ANKFY1: variants seen among roughly 807,000 people sequenced by gnomAD.
ANKFY1 encodes ankyrin repeat and FYVE domain-containing protein 1.
ANKFY1 carries 47 observed loss-of-function variants against 128.3 expected under a neutral mutation model. The ratio of observed to expected loss-of-function variants is 0.37; its 90% CI spans 0.29 to 0.47. The LOEUF (loss-of-function observed/expected upper bound fraction) is 0.47, where lower values mean the gene tolerates loss of function less well. ANKFY1 is among the 20% of genes least tolerant of loss of function. The pLI is 1.00. For synonymous variants in ANKFY1, 553 were observed against 601.6 expected, an observed-to-expected ratio of 0.92 and a Z score of 1.18; for missense variants, 1,222 against 1,510.6, an observed-to-expected ratio of 0.81 and a Z score of 3.17.
chr17:4,207,947 C>T lies in ANKFY1; in HGVS notation c.718G>A (p.Glu240Lys). Reference sequence around the variant, plus strand: ...AGCTACAGTACCTGGGAATCCATTTCAATCAGATACAGGAAGACCACGTCT... The same window carrying T: ...AGCTACAGTACCTGGGAATCCATTTTAATCAGATACAGGAAGACCACGTCT... ...REDVVFLYLI[E>K]MDSQLPGKLN... is the part of the protein sequence containing the mutation. The change falls in exon 6 of 25, where the codon GAA (glutamate) becomes AAA (lysine). Residue 240 changes from glutamate to lysine, a missense_variant. By Grantham distance (56) the Glu-to-Lys change is moderately conservative. Coordinates refer to ENST00000341657, the MANE Select transcript of ANKFY1 (RefSeq NM_001330063.2). The T allele has an allele frequency of 6.3e-7, 1 of 1,593,932 alleles. No individual in the cohort carries two copies. The highest frequency in any genetic ancestry group is 2.3e-5 in the East Asian group (1 of 43,596).
intron 4 of ANKFY1, among the ~76,000 whole-genome samples, chr17:4,210,197 T>C (rs2060099922): frequency 6.6e-6 from 1 of 152,184 alleles, no homozygotes; most frequent in African/African-American, 2.4e-5. Flanking sequence ...TGATTAAGCA[T>C]AATACCCCAA....
In ANKFY1 at chr17:4,167,869, C is replaced by A; in HGVS notation, c.3420G>T (p.Lys1140Asn). ...GRLLCHKCST[K>N]EIPIIKFDLN... Reference sequence around the variant, plus strand: ...GATCAAACTTTATAATAGGAATCTCCTTGGTCGAGCATTTATGGCAAAGAA... The same window carrying A: ...GATCAAACTTTATAATAGGAATCTCATTGGTCGAGCATTTATGGCAAAGAA... The change falls in exon 25 of 25, where the codon AAG (lysine) becomes AAT (asparagine). Residue 1140 changes from lysine (K) to asparagine (N), a missense_variant. Coordinates refer to ENST00000341657, the MANE Select transcript of ANKFY1 (RefSeq NM_001330063.2). The surrounding 1 kb of genome is among the most constrained non-coding windows in gnomAD (Gnocchi z 4.1). 6.2e-7 allele frequency: 1 copy of A among 1,614,066 alleles called. No individual in the cohort carries two copies. The highest frequency in any genetic ancestry group is 1.1e-5 in the South Asian group (1 of 91,066).
intron 1 of ANKFY1, among the ~76,000 whole-genome samples, chr17:4,263,195 G>A (rs1044167791): frequency 9.2e-5 from 14 of 152,316 alleles, no homozygotes; most frequent in African/African-American, 2.6e-4. Context: ...CATTAAGACA[G>A]GCAGACTCTG....
chr17:4,255,899 C>T (rs1359216410), intron 1 of ANKFY1, among the ~76,000 whole-genome samples: 1 of 151,882 alleles, frequency 6.6e-6, no homozygotes, highest in Non-Finnish European at 1.5e-5. Context: ...CTCACTGCAA[C>T]CTCCGCTTCC....
Position 4,178,865 on chromosome 17 carries a change from C to T in ANKFY1, c.2590G>A (p.Ala864Thr). ...AGGTGTTATTCACTCACCTGCTCAG[C>T]AGCCCCGGACTCTCGTTTGAGAATG... ...EAILKRESGA[A>T]EQVDNKGRNF... Residue 864 changes from alanine to threonine, a missense_variant, in exon 18 of 25, where the codon GCT becomes ACT. Transcript: ENST00000341657. The surrounding 1 kb of genome is among the most constrained non-coding windows in gnomAD (Gnocchi z 4.1). 6.2e-7 allele frequency: 1 copy of T among 1,614,226 alleles called. No homozygotes were observed. The highest frequency in any genetic ancestry group is 8.5e-7 in the Non-Finnish European group (1 of 1,180,042).
At chr17:4,225,218 G>C (rs1443388402) in intron 3 of ANKFY1, among the ~76,000 whole-genome samples, 1 of 152,044 alleles carries the variant, frequency 6.6e-6, no homozygotes, top group Non-Finnish European at 1.5e-5. Flanking sequence ...GTAGCCGAGC[G>C]TAGTGGTGCA....
chr17:4,250,062 C>CT (rs1967748592), intron 1 of ANKFY1, among the ~76,000 whole-genome samples: 1 of 152,220 alleles, frequency 6.6e-6, no homozygotes, highest in Non-Finnish European at 1.5e-5. Flanking sequence ...CTCTAGCTTT[C>CT]TTCCTAACCT....
At chr17:4,188,214 G>A (rs1016772428) in intron 11 of ANKFY1, 5 of 152,290 alleles carry the variant, frequency 3.3e-5, no homozygotes, top group African/African-American at 1.2e-4. Flanking sequence ...CGTCACTCTG[G>A]CCGGTGCGCA....
intron 1 of ANKFY1, among the ~76,000 whole-genome samples, chr17:4,245,954 G>GAATC (rs1555639065): frequency 1.3e-5 from 2 of 152,122 alleles, no homozygotes; most frequent in Admixed American, 6.6e-5. Flanking sequence ...TGAGGCAGAA[G>GAATC]AATCGCTGGA....
Position 4,208,052 on chromosome 17 carries a change from T to A in ANKFY1, c.613A>T (p.Met205Leu). 6.2e-7 allele frequency: 1 copy of A among 1,610,158 alleles called. No homozygotes were observed. The highest frequency in any genetic ancestry group is 8.5e-7 in the Non-Finnish European group (1 of 1,178,458). ...DDLRKEDFSS[M>L]SAQLLYKMIK... ...ATTTTGTATAACAACTGAGCGCTCA[T>A]GCTGCTGAAATCCTCCTTCCTCAGG... The change falls in exon 6 of 25, where the codon ATG (methionine) becomes TTG (leucine). Residue 205 changes from methionine to leucine, a missense_variant. Physicochemically the swap from Met to Leu is conservative, Grantham distance 15 (BLOSUM62 2). Transcript: ENST00000341657.
intron 1 of ANKFY1, among the ~76,000 whole-genome samples, chr17:4,252,181 C>T (rs796562325): frequency 6.6e-6 from 1 of 152,072 alleles, no homozygotes; most frequent in South Asian, 2.1e-4. Flanking sequence ...AAAAGATGTG[C>T]ATCATTAGTA....
Position 4,167,774 on chromosome 17 carries a change from GCTCA to G in ANKFY1, c.*1_*4del, listed in dbSNP as rs754412631. 82 of 1,612,086 alleles carry G rather than the reference GCTCA, an allele frequency of 5.1e-5. No individual in the cohort carries two copies. In the Admixed American group the frequency reaches 5.2e-4, roughly 10 times the overall value. ...GGACGTGGCCTGGACCCTCCGGGGG[GCTCA>G]CTAAGAAACCCCACCCAGAGTCAGT... is the stretch of plus-strand genomic sequence containing the variant. On this transcript the variant is annotated 3_prime_UTR_variant, in exon 25 of 25. Transcript: ENST00000341657. The surrounding 1 kb of genome is among the most constrained non-coding windows in gnomAD (Gnocchi z 4.1).
At chr17:4,202,423 G>T (rs1031413816) in intron 7 of ANKFY1, among the ~76,000 whole-genome samples, 7 of 149,710 alleles carry the variant, frequency 4.7e-5, no homozygotes, top group African/African-American at 1.7e-4. Context: ...AAGAGGCCGG[G>T]CGCAGTGGCT....
intron 2 of ANKFY1, among the ~76,000 whole-genome samples, chr17:4,236,432 A>G (rs1966908554): frequency 6.6e-6 from 1 of 152,254 alleles, no homozygotes. Context: ...CAGTCCTAAT[A>G]TTGACCATTT....
At chr17:4,224,214 G>GTTTT (rs33995900) in intron 3 of ANKFY1, among the ~76,000 whole-genome samples, 6 of 66,720 alleles carry the variant, frequency 9.0e-5, no homozygotes, top group African/African-American at 2.4e-4. Flanking sequence ...CACCTTTGAA[G>GTTTT]TTTTTTTTTT....
chr17:4,262,113 C>A (rs947426853), intron 1 of ANKFY1, among the ~76,000 whole-genome samples: 1 of 152,190 alleles, frequency 6.6e-6, no homozygotes, highest in African/African-American at 2.4e-5. Context: ...ATTGCTTGAG[C>A]CCAAGAGTTG....
At chr17:4,194,853 A>T in intron 10 of ANKFY1, 125 bp downstream of exon 10, 1 of 884,884 alleles carries the variant, frequency 1.1e-6, no homozygotes, top group Non-Finnish European at 1.7e-6. Context: ...ATATAAAATT[A>T]AGTACAAAAT....
Position 4,208,035 on chromosome 17 carries a change from TAAC to T in ANKFY1, c.627_629del (p.Leu210del). On this transcript the variant is annotated inframe_deletion, in exon 6 of 25. Coordinates refer to ENST00000341657, the MANE Select transcript of ANKFY1 (RefSeq NM_001330063.2). ...CTGTCTTGGATTTGATCATTTTGTA[TAAC>T]AACTGAGCGCTCATGCTGCTGAAAT... is the stretch of plus-strand genomic sequence containing the variant. 6.2e-7 allele frequency: 1 copy of T among 1,611,336 alleles called. No individual in the cohort carries two copies. The highest frequency in any genetic ancestry group is 1.1e-5 in the South Asian group (1 of 90,306).
intron 1 of ANKFY1, among the ~76,000 whole-genome samples, chr17:4,260,808 G>A (rs1968377227): frequency 6.6e-6 from 1 of 152,102 alleles, no homozygotes; most frequent in African/African-American, 2.4e-5. Flanking sequence ...ATAAGAAGCT[G>A]TATCCTCAGT....
Sources: allele counts gnomAD v4.1 joint callset (sites outside exome capture counted in the v4.1 genomes callset), GRCh38; gene constraint gnomAD v4.1.1; non-coding constraint Gnocchi (gnomAD v3.1); transcripts MANE v1.5; gene names NCBI Gene and HGNC (gene_info 2026-07-23, HGNC 2026-07-21).